Variants in MARCHF1 observed in about 807,000 individuals in gnomAD.
MARCHF1 encodes the protein membrane associated ring-CH-type finger 1.
MARCHF1 carries 40 observed loss-of-function variants against 54.2 expected under a neutral mutation model. The observed-to-expected ratio is 0.74, with a 90% CI of 0.57 to 0.96. The LOEUF is 0.96. MARCHF1 is among the 40% of genes least tolerant of loss of function. MARCHF1 has a pLI of 0.00. For synonymous variants in MARCHF1, 236 were observed against 236.3 expected, an observed-to-expected ratio of 1.00 and a Z score of 0.01; for missense variants, 586 against 656.5, an observed-to-expected ratio of 0.89 and a Z score of 1.17.
At chr4:163,992,049 CTT>C (rs1195347606) in intron 2 of MARCHF1, among the ~76,000 whole-genome samples, 2 of 83,746 alleles carry the variant, frequency 2.4e-5, no homozygotes, top group Non-Finnish European at 4.2e-5. Flanking sequence ...CCAGCTTGAT[CTT>C]TGTCAGCTGC....
chr4:164,249,999 C>T (rs1234206904), intron 1 of MARCHF1, among the ~76,000 whole-genome samples: 1 of 152,008 alleles, frequency 6.6e-6, no homozygotes, highest in African/African-American at 2.4e-5. Flanking sequence ...CCTATTTAAC[C>T]TCATGATAGA....
intron 4 of MARCHF1, among the ~76,000 whole-genome samples, chr4:163,739,431 A>G (rs1746134470): frequency 6.6e-6 from 1 of 152,214 alleles, no homozygotes; most frequent in Non-Finnish European, 1.5e-5. Flanking sequence ...TGAAAACGAC[A>G]TCCCCGCTTT....
intron 1 of MARCHF1, among the ~76,000 whole-genome samples, chr4:164,341,489 G>T (rs1268659397): frequency 6.6e-6 from 1 of 152,182 alleles, no homozygotes; most frequent in African/African-American, 2.4e-5. Flanking sequence ...CATTTGGGTT[G>T]TTAAAACAAA....
chr4:163,871,224 A>C (rs1382870201), intron 3 of MARCHF1, among the ~76,000 whole-genome samples: 1 of 152,192 alleles, frequency 6.6e-6, no homozygotes, highest in Non-Finnish European at 1.5e-5. Flanking sequence ...TGTGAGAGAC[A>C]GAGAAGGTAT....
chr4:163,899,718 A>C (rs1036622597), intron 3 of MARCHF1, among the ~76,000 whole-genome samples: 1 of 151,558 alleles, frequency 6.6e-6, no homozygotes, highest in African/African-American at 2.4e-5. Context: ...TCTAATGAAT[A>C]GCCCAAACAA....
At chr4:164,008,794 G>A (rs1753352895) in intron 2 of MARCHF1, among the ~76,000 whole-genome samples, 2 of 151,786 alleles carry the variant, frequency 1.3e-5, no homozygotes, top group African/African-American at 4.8e-5. Flanking sequence ...AAATGAAAAG[G>A]AATATAACAT....
At chr4:163,621,367 G>A (rs960028659) in intron 5 of MARCHF1, among the ~76,000 whole-genome samples, 2 of 152,090 alleles carry the variant, frequency 1.3e-5, no homozygotes, top group African/African-American at 4.8e-5. Context: ...GTGAGGAATG[G>A]ACCTGTAGCA....
Position 164,176,977 on chromosome 4 carries a change from T to TCC in MARCHF1, c.-322-65316_-322-65315insGG. Among the ~76,000 whole-genome samples the TCC allele has an allele frequency of 1.6e-4, 3 of 18,400 alleles. 1 individual carries two copies. The highest frequency in any genetic ancestry group is 4.3e-4 in the Non-Finnish European group (3 of 7,030). 12.1% of individuals were successfully genotyped at this position (18,400 alleles called of 152,430 possible). On this transcript the variant is annotated intron_variant, in intron 1 of 9. Coordinates refer to ENST00000514618, the MANE Select transcript of MARCHF1 (RefSeq NM_001394959.1). ...CTCTCTCTCTCTCTCTCTCTCTCTC[T>TCC]CTCTATATATATATATATATATATA...
At chr4:164,376,277 A>G (rs1731189006) in intron 1 of MARCHF1, among the ~76,000 whole-genome samples, 1 of 152,244 alleles carries the variant, frequency 6.6e-6, no homozygotes, top group Non-Finnish European at 1.5e-5. Flanking sequence ...GTGATCTGAA[A>G]GATGACAGAT....
intron 1 of MARCHF1, among the ~76,000 whole-genome samples, chr4:164,246,812 C>A (rs1280000693): frequency 1.6e-5 from 2 of 128,794 alleles, no homozygotes; most frequent in Non-Finnish European, 3.3e-5. Flanking sequence ...TGAACAGACA[C>A]TTCTCAAAAG....
intron 3 of MARCHF1, among the ~76,000 whole-genome samples, chr4:163,987,418 C>T (rs1752889622): frequency 6.6e-6 from 1 of 152,186 alleles, no homozygotes; most frequent in African/African-American, 2.4e-5. Flanking sequence ...TAGAAAGAGG[C>T]TGCAAATATA....
intron 1 of MARCHF1, among the ~76,000 whole-genome samples, chr4:164,341,049 T>G (rs1378415907): frequency 1.3e-5 from 2 of 152,038 alleles, no homozygotes; most frequent in Non-Finnish European, 2.9e-5. Context: ...GTAGAATTTA[T>G]CCCTGGGATG....
chr4:164,044,539 G>C (rs1053369641), intron 2 of MARCHF1, among the ~76,000 whole-genome samples: 1 of 152,076 alleles, frequency 6.6e-6, no homozygotes, highest in Non-Finnish European at 1.5e-5. Flanking sequence ...TGAGATTTGG[G>C]TGTGTACACA....
chr4:163,914,168 T>G (rs1336723085), intron 3 of MARCHF1, among the ~76,000 whole-genome samples: 1 of 152,152 alleles, frequency 6.6e-6, no homozygotes, highest in Non-Finnish European at 1.5e-5. Flanking sequence ...TTGTACAAAG[T>G]ACACTTCAAG....
rs909346246 is a variant in MARCHF1, at chr4:164,146,591, A to C, written c.-322-34929T>G. On this transcript the variant is annotated intron_variant, in intron 1 of 9. Coordinates refer to ENST00000514618, the MANE Select transcript of MARCHF1 (RefSeq NM_001394959.1). ...ATGGGGAAAGGATTCCCTATTTAATAAATGGTACTGGGAAAACTGGCTAGC... is the reference window on the plus strand; with the variant it reads ...ATGGGGAAAGGATTCCCTATTTAATCAATGGTACTGGGAAAACTGGCTAGC... 2.9e-3 allele frequency among the ~76,000 whole-genome samples: 440 copies of C among 152,202 alleles called. 2 individuals are homozygous for C. Among genetic ancestry groups the C allele is most frequent in the Non-Finnish European group, 5.0e-3 (342 of 67,968 alleles).
chr4:164,127,238 G>T (rs1318449963), intron 1 of MARCHF1, among the ~76,000 whole-genome samples: 1 of 152,166 alleles, frequency 6.6e-6, no homozygotes, highest in Non-Finnish European at 1.5e-5. Context: ...ACCTGAAGCT[G>T]CATCTAAGCA....
intron 4 of MARCHF1, among the ~76,000 whole-genome samples, chr4:163,809,582 T>C (rs1748325577): frequency 6.6e-6 from 1 of 152,168 alleles, no homozygotes; most frequent in Non-Finnish European, 1.5e-5. Context: ...GGTCACAATT[T>C]GTATTAAAAG....
intron 8 of MARCHF1, among the ~76,000 whole-genome samples, chr4:163,558,353 G>A (rs1000218479): frequency 6.6e-6 from 1 of 152,192 alleles, no homozygotes; most frequent in Admixed American, 6.5e-5. Context: ...GGACACAAAT[G>A]TAAGCTGACC....
Position 163,524,807 on chromosome 4 carries a change from A to G in MARCHF1, c.*3941T>C, listed in dbSNP as rs1010974126. On this transcript the variant is annotated 3_prime_UTR_variant, in exon 10 of 10. Coordinates refer to ENST00000514618, the MANE Select transcript of MARCHF1 (RefSeq NM_001394959.1). Reference sequence around the variant, plus strand: ...TTTGCTTTAGTACACATGATTCACAAAACAGTAAATTGTTAATGCAAGAGA... The same window carrying G: ...TTTGCTTTAGTACACATGATTCACAGAACAGTAAATTGTTAATGCAAGAGA... 2.6e-5 allele frequency: 4 copies of G among 152,184 alleles called. No homozygotes were observed. The highest frequency in any genetic ancestry group is 1.3e-4 in the Admixed American group (2 of 15,264). 9.4% of individuals were successfully genotyped at this position (152,184 alleles called of 1,614,324 possible).
Sources: gnomAD v4.1 joint callset for allele counts (sites outside exome capture counted in the v4.1 genomes callset) on GRCh38, gnomAD v4.1.1 for gene constraint, MANE v1.5 for transcripts, NCBI Gene and HGNC (gene_info 2026-07-23, HGNC 2026-07-21) for gene names.